AKAP1: variants seen among roughly 807,000 people sequenced by gnomAD.
AKAP1 encodes the protein A-kinase anchor protein 1, mitochondrial.
In AKAP1, 32 loss-of-function variants were observed where a neutral mutation model predicts 79.8. The ratio of observed to expected loss-of-function variants is 0.40; its 90% CI spans 0.30 to 0.54. AKAP1 has a LOEUF of 0.54. AKAP1 is among the 20% of genes least tolerant of loss of function. AKAP1 has a pLI of 0.47. For synonymous variants in AKAP1, 416 were observed against 466.7 expected (o/e 0.89, Z 1.40); for missense variants, 961 against 1,138.9 (o/e 0.84, Z 2.25).
At chr17:57,112,749 C>G (rs1405362368) in intron 5 of AKAP1, 131 bp downstream of exon 5, 1 of 1,314,480 alleles carries the variant, frequency 7.6e-7, no homozygotes, top group African/African-American at 1.5e-5. Flanking sequence ...CTTCTCTGGC[C>G]TCTGCTGGTC....
At chr17:57,108,815 G>A (rs1347084571) in intron 2 of AKAP1, among the ~76,000 whole-genome samples, 1 of 152,234 alleles carries the variant, frequency 6.6e-6, no homozygotes, top group Non-Finnish European at 1.5e-5. Context: ...AGCCACTGCT[G>A]GGAGCCATCG....
chr17:57,092,143 C>T (rs993316128), intron 1 of AKAP1: 1 of 152,160 alleles, frequency 6.6e-6, no homozygotes, highest in Non-Finnish European at 1.5e-5. Context: ...TGGCCATAGA[C>T]CCCCGGTGAG....
intron 1 of AKAP1, among the ~76,000 whole-genome samples, chr17:57,100,447 G>GCA (rs769056309): frequency 0.15 from 11,328 of 75,292 alleles, 588 homozygotes; most frequent in Non-Finnish European, 0.18. Context: ...ACACACACAC[G>GCA]CACACACACA....
intron 10 of AKAP1, among the ~76,000 whole-genome samples, chr17:57,119,676 C>T (rs1170328204): frequency 5.3e-5 from 8 of 151,824 alleles, no homozygotes. Context: ...CATTGTGCCA[C>T]TGCACTCCAG....
chr17:57,104,981 A>ATT (rs1270989017), intron 1 of AKAP1, among the ~76,000 whole-genome samples: 1 of 152,064 alleles, frequency 6.6e-6, no homozygotes, highest in Non-Finnish European at 1.5e-5. Flanking sequence ...TTGACTCATG[A>ATT]TTTTATGGGT....
chr17:57,112,406 TGG>T, intron 4 of AKAP1, 83 bp from the exon 5 acceptor site: 1 of 1,506,772 alleles, frequency 6.6e-7, no homozygotes. Flanking sequence ...TCCAGTGGAG[TGG>T]GGTCTGTGGC....
intron 3 of AKAP1, among the ~76,000 whole-genome samples, chr17:57,111,426 T>C (rs1567911947): frequency 6.6e-6 from 1 of 152,202 alleles, no homozygotes; most frequent in Non-Finnish European, 1.5e-5. Flanking sequence ...GCATGGCTTT[T>C]AGAGGAGAAG....
intron 1 of AKAP1, among the ~76,000 whole-genome samples, chr17:57,103,876 G>C (rs779907867): frequency 4.6e-5 from 7 of 152,156 alleles, no homozygotes; most frequent in Non-Finnish European, 8.8e-5. Flanking sequence ...TACAGATGAG[G>C]AAAAATTGAG....
intron 1 of AKAP1, chr17:57,095,730 G>T (rs1480174466): frequency 1.3e-5 from 2 of 152,076 alleles, no homozygotes. Context: ...GTTTCTTGCT[G>T]CACACCAACA....
intron 1 of AKAP1, among the ~76,000 whole-genome samples, chr17:57,088,523 G>T (rs1248166082): frequency 6.6e-6 from 1 of 152,232 alleles, no homozygotes; most frequent in African/African-American, 2.4e-5. Context: ...TTCAGTGGCT[G>T]TCACACAAAT....
chr17:57,099,527 G>A (rs912899309), intron 1 of AKAP1, among the ~76,000 whole-genome samples: 5 of 152,152 alleles, frequency 3.3e-5, no homozygotes, highest in African/African-American at 1.2e-4. Flanking sequence ...GAAATGGGTA[G>A]CAGTATTCAG....
At chr17:57,120,132 G>C (rs1040806642) in intron 10 of AKAP1, 118 bp from the exon 11 acceptor site, 11 of 862,736 alleles carry the variant, frequency 1.3e-5, no homozygotes, top group Non-Finnish European at 2.0e-5. Flanking sequence ...GGCCTACACT[G>C]TTACTCTCAT....
rs1914885295 is a variant in AKAP1 at position 57,106,557 on chromosome 17, G to A, written c.1093G>A (p.Ala365Thr). The stretch of plus-strand genomic sequence containing the variant: ...CTCAGAAGCAACCGAACAGGTGCTG[G>A]CCACCACGGTTGGCAAGGTTGCAGG... ...VISEATEQVL[A>T]TTVGKVAGRV... is the part of the protein sequence containing the mutation. The change falls in exon 2 of 11, where the codon GCC (alanine) becomes ACC (threonine). Residue 365 changes from alanine (A) to threonine (T), a missense_variant. Ala to Thr is a moderately conservative substitution (Grantham distance 58). Transcript: ENST00000337714. 1 of 1,614,180 alleles carries A rather than the reference G, an allele frequency of 6.2e-7. No individual in the cohort carries two copies. The highest frequency in any genetic ancestry group is 2.2e-5 in the East Asian group (1 of 44,888).
chr17:57,114,507 G>A lies in AKAP1; in HGVS notation c.2152G>A (p.Val718Ile). 2 of 1,614,150 alleles carry A rather than the reference G, an allele frequency of 1.2e-6. No individual in the cohort carries two copies. The highest frequency in any genetic ancestry group is 1.7e-6 in the Non-Finnish European group (2 of 1,180,040). The change falls in exon 6 of 11, where the codon GTC becomes ATC. Residue 718 changes from valine to isoleucine, a missense_variant. Transcript: ENST00000337714. ...ITVEVIVVNQ[V>I]NAGHLFVQQH... The stretch of plus-strand genomic sequence containing the variant: ...CGTGGAGGTCATTGTGGTCAACCAG[G>A]TCAATGCCGGGCACCTGTTCGTGCA...
At chr17:57,119,081 C>T in intron 10 of AKAP1, 37 bp downstream of exon 10, 2 of 1,603,678 alleles carry the variant, frequency 1.2e-6, no homozygotes, top group Non-Finnish European at 1.7e-6. Context: ...GTGTTGCTGG[C>T]CCGAAGTAAT....
rs1309619292 is a variant in AKAP1, at chr17:57,111,802, T to TA, written c.1854dup (p.Val619SerfsTer88). 2 of 1,614,010 alleles carry TA rather than the reference T, an allele frequency of 1.2e-6. No homozygotes were observed. The highest frequency in any genetic ancestry group is 1.7e-6 in the Non-Finnish European group (2 of 1,180,036). On this transcript the variant is annotated frameshift_variant, in exon 4 of 11. Transcript: ENST00000337714. LOFTEE classifies it high-confidence loss of function. ...CTCTTTTTGTCTTTCTGGAAGCACT[T>TA]AGTCGGTCGGCTAATTGGCAAGCAG...
intron 7 of AKAP1, 37 bp from the exon 8 acceptor site, chr17:57,116,823 T>G (rs1027140251): frequency 2.5e-6 from 4 of 1,595,756 alleles, no homozygotes; most frequent in Admixed American, 3.3e-5. Context: ...TCAGCCTTCA[T>G]GTCCACATTA....
At chr17:57,097,986 G>T (rs1035310440) in intron 1 of AKAP1, among the ~76,000 whole-genome samples, 15 of 152,214 alleles carry the variant, frequency 9.9e-5, no homozygotes, top group African/African-American at 3.6e-4. Context: ...CATTGCCAGG[G>T]ATTTGTTTTC....
At chr17:57,101,517 T>G (rs1384101147) in intron 1 of AKAP1, 1 of 147,814 alleles carries the variant, frequency 6.8e-6, no homozygotes, top group African/African-American at 2.5e-5. Flanking sequence ...TTCTCAAACT[T>G]GACTGCACAT....
Sources: gnomAD v4.1 joint callset for allele counts (sites outside exome capture counted in the v4.1 genomes callset) on GRCh38, gnomAD v4.1.1 for gene constraint, MANE v1.5 for transcripts, NCBI Gene and HGNC (gene_info 2026-07-23, HGNC 2026-07-21) for gene names.